ADSS2: variants seen among roughly 807,000 people sequenced by gnomAD.
The protein encoded by ADSS2 is adenylosuccinate synthetase isozyme 2.
In ADSS2, 30 loss-of-function variants were observed where a neutral mutation model predicts 60.0. The observed-to-expected ratio is 0.50, with a 90% CI of 0.37 to 0.68. ADSS2 has a LOEUF of 0.68. Ranked by LOEUF, ADSS2 falls within the 30% of genes least tolerant of loss-of-function variation. ADSS2 has a pLI of 0.00. For missense variants in ADSS2, 373 were observed against 554.8 expected, an observed-to-expected ratio of 0.67 and a Z score of 3.29; for synonymous variants, 187 against 193.1, an observed-to-expected ratio of 0.97 and a Z score of 0.26.
chr1:244,447,304 T>A (rs192069097), intron 1 of ADSS2, among the ~76,000 whole-genome samples: 43 of 152,306 alleles, frequency 2.8e-4, no homozygotes, highest in Non-Finnish European at 4.6e-4. Context: ...ATTGGTTCAT[T>A]CTAGATTTGC....
intron 11 of ADSS2, among the ~76,000 whole-genome samples, chr1:244,415,128 T>C (rs961503411): frequency 1.2e-4 from 19 of 152,246 alleles, no homozygotes; most frequent in African/African-American, 4.6e-4. Context: ...AAGAATTTGC[T>C]GTAATGTTCT....
intron 7 of ADSS2, among the ~76,000 whole-genome samples, chr1:244,421,534 T>C (rs1466071599): frequency 3.3e-5 from 5 of 152,324 alleles, no homozygotes; most frequent in African/African-American, 1.2e-4. Context: ...TCAACATACA[T>C]TACCTATAAG....
At chr1:244,450,046 C>G (rs1665495126) in intron 1 of ADSS2, among the ~76,000 whole-genome samples, 1 of 152,228 alleles carries the variant, frequency 6.6e-6, no homozygotes, top group Non-Finnish European at 1.5e-5. Context: ...TCAACCTGAG[C>G]TATTTCCATA....
At chr1:244,431,838 T>G (rs1664952874) in intron 4 of ADSS2, among the ~76,000 whole-genome samples, 1 of 152,226 alleles carries the variant, frequency 6.6e-6, no homozygotes, top group Non-Finnish European at 1.5e-5. Flanking sequence ...GTTATTTGAT[T>G]TCTGTGCTTG....
chr1:244,442,618 G>A (rs146803224), intron 1 of ADSS2, among the ~76,000 whole-genome samples: 2 of 152,268 alleles, frequency 1.3e-5, no homozygotes, highest in African/African-American at 4.8e-5. Flanking sequence ...GCTCTGTGAG[G>A]CAGTTGGGGT....
intron 9 of ADSS2, 105 bp from the exon 10 acceptor site, chr1:244,417,857 C>G (rs1664575615): frequency 9.4e-7 from 1 of 1,068,882 alleles, no homozygotes; most frequent in Admixed American, 2.9e-5. Context: ...AGATAAACAT[C>G]TTTCAGGTAA....
chr1:244,422,880 G>T lies in ADSS2; in HGVS notation c.618C>A (p.Tyr206Ter). 6.3e-7 allele frequency: 1 copy of T among 1,598,946 alleles called. No individual in the cohort carries two copies. Among genetic ancestry groups the T allele is most frequent in the Non-Finnish European group, 8.6e-7 (1 of 1,166,806 alleles). The change falls in exon 7 of 13, where the codon TAC (tyrosine) becomes TAA (stop). Residue 206 changes from tyrosine to a stop codon, truncating the protein, a stop_gained. Coordinates refer to ENST00000366535, the MANE Select transcript of ADSS2 (RefSeq NM_001126.5). LOFTEE classifies it high-confidence loss of function. ...CTTCAATGTCTATTTCCAAAGTGGG[G>T]TATATAGATTTGTATTGGTTAGCTA... is the stretch of plus-strand genomic sequence containing the variant. ...KVLANQYKSI[Y>*]PTLEIDIEGE...
chr1:244,416,392 A>G (rs760298349), intron 10 of ADSS2, among the ~76,000 whole-genome samples: 1 of 152,110 alleles, frequency 6.6e-6, no homozygotes, highest in Non-Finnish European at 1.5e-5. Flanking sequence ...AACACGGTTC[A>G]CTGCAGCCTC....
chr1:244,446,641 G>A (rs1665397920), intron 1 of ADSS2, among the ~76,000 whole-genome samples: 1 of 136,786 alleles, frequency 7.3e-6, no homozygotes, highest in South Asian at 2.3e-4. Flanking sequence ...AAGTGGAAAG[G>A]GGCCTTGCCT....
In ADSS2 at chr1:244,424,053, T is replaced by C; in HGVS notation, c.481A>G (p.Thr161Ala). 1 of 1,610,582 alleles carries C rather than the reference T, an allele frequency of 6.2e-7. No individual in the cohort carries two copies. The change falls in exon 6 of 13, where the codon ACA (threonine) becomes GCA (alanine). Residue 161 changes from threonine (T) to alanine (A), a missense_variant. By Grantham distance (58) the Thr-to-Ala change is moderately conservative (BLOSUM62 0). Coordinates refer to ENST00000366535, the MANE Select transcript of ADSS2 (RefSeq NM_001126.5). The part of the protein sequence containing the change: ...RQEQAGKNLG[T>A]TKKGIGPVYS... ...ACTGGGCCAATGCCCTTTTTTGTTG[T>C]ACCCAAACTTAAAAACAAATCCAAA...
intron 7 of ADSS2, among the ~76,000 whole-genome samples, chr1:244,421,866 C>T (rs1263574372): frequency 2.6e-5 from 4 of 151,972 alleles, no homozygotes; most frequent in African/African-American, 7.3e-5. Flanking sequence ...CCCAGCTACT[C>T]GGGAGGCTGA....
At chr1:244,421,185 C>T (rs1004405791) in intron 7 of ADSS2, among the ~76,000 whole-genome samples, 1 of 152,110 alleles carries the variant, frequency 6.6e-6, no homozygotes, top group Non-Finnish European at 1.5e-5. Context: ...TACTATGTAA[C>T]ACATGGGCAT....
chr1:244,441,022 A>G (rs928752835), intron 1 of ADSS2, among the ~76,000 whole-genome samples: 6 of 151,202 alleles, frequency 4.0e-5, no homozygotes, highest in Admixed American at 2.6e-4. Context: ...TAGGACATAT[A>G]TTATACACCA....
chr1:244,432,623 T>C (rs202131829), intron 3 of ADSS2, 28 bp from the exon 4 acceptor site: 6 of 1,415,656 alleles, frequency 4.2e-6, no homozygotes, highest in African/African-American at 2.9e-5. Context: ...ATATATTTAA[T>C]TGAATATTTT....
At chr1:244,415,888 C>T (rs1477557901) in intron 11 of ADSS2, 93 bp downstream of exon 11, 4 of 912,280 alleles carry the variant, frequency 4.4e-6, no homozygotes, top group Non-Finnish European at 6.7e-6. Context: ...AAACCTGTCG[C>T]TATCTATCAC....
Position 244,422,819 on chromosome 1 carries a change from T to C in ADSS2, c.663+16A>G, listed in dbSNP as rs748469520. ...CAAGTATTAAAAAGAACATTAAAGA[T>C]GCCAGAAAGCATTACCTTGAGTTTT... On this transcript the variant is annotated intron_variant, in intron 7 of 12. Transcript: ENST00000366535. 4 of 1,554,272 alleles carry C rather than the reference T, an allele frequency of 2.6e-6. No individual in the cohort carries two copies. Among genetic ancestry groups the C allele is most frequent in the Non-Finnish European group, 3.5e-6 (4 of 1,128,190 alleles).
Position 244,435,194 on chromosome 1 carries a change from A to AAAAAAAAAAAAAAAAAAAAAAAAAAC in ADSS2, c.355+1630_355+1631insGTTTTTTTTTTTTTTTTTTTTTTTTT, listed in dbSNP as rs1553308065. Among the ~76,000 whole-genome samples the AAAAAAAAAAAAAAAAAAAAAAAAAAC allele has an allele frequency of 2.4e-4, 31 of 127,900 alleles. 1 individual carries two copies. The highest frequency in any genetic ancestry group is 9.3e-4 in the African/African-American group (29 of 31,132). 83.9% of individuals were successfully genotyped at this position (127,900 alleles called of 152,430 possible). A position where few individuals can be genotyped will look rare whatever the true frequency, so the allele number is the denominator to read the frequency against. ...AAAAAAAAAAAAAAAAAAAAAAAAA[A>AAAAAAAAAAAAAAAAAAAAAAAAAAC]AAACAAACCTGAACATACTATAACA... On this transcript the variant is annotated intron_variant, in intron 3 of 12. Coordinates refer to ENST00000366535, the MANE Select transcript of ADSS2 (RefSeq NM_001126.5).
At chr1:244,416,462 C>T (rs1452422405) in intron 10 of ADSS2, among the ~76,000 whole-genome samples, 2 of 152,150 alleles carry the variant, frequency 1.3e-5, no homozygotes, top group African/African-American at 2.4e-5. Context: ...GGACTACAGG[C>T]GTGTGCCACC....
intron 1 of ADSS2, among the ~76,000 whole-genome samples, chr1:244,441,338 G>A (rs796698031): frequency 8.5e-4 from 130 of 152,248 alleles, no homozygotes; most frequent in African/African-American, 2.8e-3. Flanking sequence ...GATTACAGGC[G>A]TGAGCCACTG....
Sources: gnomAD v4.1 joint callset for allele counts (sites outside exome capture counted in the v4.1 genomes callset) on GRCh38, gnomAD v4.1.1 for gene constraint, MANE v1.5 for transcripts, NCBI Gene and HGNC (gene_info 2026-07-23, HGNC 2026-07-21) for gene names.